The following NUDCD1 variants were observed in gnomAD, a reference collection of about 807,000 sequenced individuals.
NUDCD1 encodes the protein NudC domain containing 1, also known as nudC domain-containing protein 1.
Under a neutral mutation model 67.8 loss-of-function variants are expected in NUDCD1, and 60 were observed. That is an observed-to-expected ratio of 0.88 (90% confidence interval 0.72 to 1.10). The LOEUF is 1.10. NUDCD1 is among the 50% of genes least tolerant of loss of function. NUDCD1 has a pLI of 0.00. For synonymous variants in NUDCD1, 244 were observed against 230.8 expected (o/e 1.06, Z -0.52); for missense variants, 643 against 695.0 (o/e 0.93, Z 0.84).
chr8:109,314,371 C>A (rs906990755), intron 2 of NUDCD1, among the ~76,000 whole-genome samples: 1 of 151,978 alleles, frequency 6.6e-6, no homozygotes, highest in Non-Finnish European at 1.5e-5. Flanking sequence ...GACTTTTTGC[C>A]ATGTCATGTA....
At chr8:109,249,654 C>T (rs541700484) in intron 8 of NUDCD1, among the ~76,000 whole-genome samples, 2 of 152,168 alleles carry the variant, frequency 1.3e-5, no homozygotes, top group South Asian at 2.1e-4. Flanking sequence ...AATGGATCTG[C>T]CCCTGAAAAG....
At chr8:109,275,885 A>G (rs189686230) in intron 6 of NUDCD1, among the ~76,000 whole-genome samples, 1 of 152,236 alleles carries the variant, frequency 6.6e-6, no homozygotes, top group East Asian at 1.9e-4. Flanking sequence ...CAAAGAGTAA[A>G]AGGGCTGTAA....
intron 8 of NUDCD1, among the ~76,000 whole-genome samples, chr8:109,266,640 C>G (rs1053887666): frequency 6.6e-6 from 1 of 152,050 alleles, no homozygotes; most frequent in African/African-American, 2.4e-5. Flanking sequence ...AGCCACATTT[C>G]AATTGCTCAA....
In NUDCD1 at chr8:109,241,165, T is replaced by C. The variant is rs1156242329; in HGVS notation, c.*1844A>G. The C allele has an allele frequency of 6.6e-6, 1 of 152,126 alleles. No individual in the cohort carries two copies. The highest frequency in any genetic ancestry group is 1.5e-5 in the Non-Finnish European group (1 of 68,010). The allele number at this position is 152,126 out of a possible 1,614,324, so 9.4% of individuals were successfully genotyped here. The stretch of plus-strand genomic sequence containing the variant: ...ATTCATCTTTTAACGTAGGTCAACA[T>C]GCGACAATATTTAGGATTAATTATC... On this transcript the variant is annotated 3_prime_UTR_variant, in exon 10 of 10. Transcript: ENST00000239690.
intron 2 of NUDCD1, among the ~76,000 whole-genome samples, chr8:109,308,570 A>C (rs1815164399): frequency 3.3e-5 from 5 of 152,240 alleles, no homozygotes; most frequent in Admixed American, 3.3e-4. Context: ...AATAAAATGC[A>C]TAGACCATTA....
In NUDCD1 at chr8:109,242,877, T is replaced by C. The variant is rs1326592744; in HGVS notation, c.*132A>G. ...TAATCTCTTGAATATATTTCCAATG[T>C]TATTAAAAAATAAAAAATCATACAA... On this transcript the variant is annotated 3_prime_UTR_variant, in exon 10 of 10. Coordinates refer to ENST00000239690, the MANE Select transcript of NUDCD1 (RefSeq NM_032869.4). 1.9e-6 allele frequency: 1 copy of C among 533,014 alleles called. No homozygotes were observed. The highest frequency in any genetic ancestry group is 3.3e-6 in the Non-Finnish European group (1 of 307,028). The allele number at this position is 533,014 out of a possible 1,614,324, so 33.0% of individuals were successfully genotyped here.
At chr8:109,284,892 TG>T (rs981046106) in intron 5 of NUDCD1, among the ~76,000 whole-genome samples, 6 of 150,898 alleles carry the variant, frequency 4.0e-5, no homozygotes, top group Admixed American at 4.0e-4. Flanking sequence ...GGTTTTTTTT[TG>T]AAAGGATAAA....
chr8:109,298,658 G>T (rs1353990209), intron 2 of NUDCD1: 1 of 151,974 alleles, frequency 6.6e-6, no homozygotes. Context: ...TATAACCCAG[G>T]GCTAATATGT....
At chr8:109,302,754 T>G (rs1188626477) in intron 2 of NUDCD1, among the ~76,000 whole-genome samples, 1 of 152,118 alleles carries the variant, frequency 6.6e-6, no homozygotes, top group Non-Finnish European at 1.5e-5. Context: ...CCCAGCCCAG[T>G]CCATGGCCCG....
At chr8:109,266,759 G>C (rs1402570960) in intron 8 of NUDCD1, among the ~76,000 whole-genome samples, 1 of 151,982 alleles carries the variant, frequency 6.6e-6, no homozygotes, top group Non-Finnish European at 1.5e-5. Context: ...ACACTTCAGT[G>C]ACCAATTTAA....
intron 5 of NUDCD1, among the ~76,000 whole-genome samples, chr8:109,281,654 A>C (rs1168924515): frequency 6.6e-6 from 1 of 152,174 alleles, no homozygotes; most frequent in East Asian, 1.9e-4. Flanking sequence ...TTTTAGTATA[A>C]ATTAAAGGCC....
intron 9 of NUDCD1, 87 bp downstream of exon 9, chr8:109,245,235 T>C (rs1813464867): frequency 7.5e-7 from 1 of 1,336,808 alleles, no homozygotes; most frequent in South Asian, 1.4e-5. Context: ...ACAGCTCAAA[T>C]TAAAAAGAAA....
intron 5 of NUDCD1, 131 bp from the exon 6 acceptor site, chr8:109,281,303 T>C: frequency 3.5e-6 from 2 of 566,378 alleles, no homozygotes; most frequent in Non-Finnish European, 6.2e-6. Context: ...TAAACAAACA[T>C]GCACAGATCT....
rs927159779 is a variant in NUDCD1 at position 109,243,422 on chromosome 8, T to A, written c.1460-121A>T. 9.6e-6 allele frequency: 7 copies of A among 732,782 alleles called. No homozygotes were observed. The African/African-American group carries it at 1.1e-4, about 11-fold the overall frequency. 45.4% of individuals were successfully genotyped at this position (732,782 alleles called of 1,614,324 possible). A position where few individuals can be genotyped will look rare whatever the true frequency, so the allele number is the denominator to read the frequency against. The stretch of plus-strand genomic sequence containing the variant: ...CAAATTAAAATGCCCAAGTAAAATA[T>A]ATACCATAAGGTATATAATTCTGAA... On this transcript the variant is annotated intron_variant, in intron 9 of 9. Transcript: ENST00000239690.
intron 8 of NUDCD1, among the ~76,000 whole-genome samples, chr8:109,262,216 C>T (rs768350944): frequency 7.9e-5 from 12 of 152,254 alleles, no homozygotes; most frequent in Non-Finnish European, 1.8e-4. Flanking sequence ...GAGATACTGA[C>T]TGCTCTTTAC....
In NUDCD1 at chr8:109,296,640, C is replaced by A; in HGVS notation, c.274-71G>T. The A allele has an allele frequency of 3.8e-6, 4 of 1,041,534 alleles. No individual in the cohort carries two copies. The South Asian group carries it at 5.0e-5, about 13-fold the overall frequency. 64.5% of individuals were successfully genotyped at this position (1,041,534 alleles called of 1,614,324 possible). On this transcript the variant is annotated intron_variant, in intron 2 of 9. Coordinates refer to ENST00000239690, the MANE Select transcript of NUDCD1 (RefSeq NM_032869.4). ...TCCACACACACAAAATAAATATCTG[C>A]GGTGTGGTGGTTTCTCTCCTTTTTA...
intron 5 of NUDCD1, among the ~76,000 whole-genome samples, chr8:109,284,678 T>C (rs953633707): frequency 4.6e-5 from 7 of 151,786 alleles, no homozygotes; most frequent in Non-Finnish European, 8.8e-5. Context: ...GCAAAAGCAG[T>C]GTTAAGAGGA....
At chr8:109,286,525 T>C (rs938221183) in intron 5 of NUDCD1, among the ~76,000 whole-genome samples, 1 of 151,874 alleles carries the variant, frequency 6.6e-6, no homozygotes, top group African/African-American at 2.4e-5. Context: ...AAACAAGCAA[T>C]AGGGAAAGGA....
Position 109,327,449 on chromosome 8 carries a change from A to G in NUDCD1, c.119-4986T>C, listed in dbSNP as rs1219687499. On this transcript the variant is annotated intron_variant, in intron 1 of 9. Coordinates refer to ENST00000239690, the MANE Select transcript of NUDCD1 (RefSeq NM_032869.4). Reference sequence around the variant, plus strand: ...TTTCTTCCCTCTGCTCTGAAGAAAGAAAAAGGCCAGAGTGACCACAAAGAT... The same window carrying G: ...TTTCTTCCCTCTGCTCTGAAGAAAGGAAAAGGCCAGAGTGACCACAAAGAT... 3.3e-5 allele frequency among the ~76,000 whole-genome samples: 5 copies of G among 152,314 alleles called. 1 individual carries two copies. The South Asian group carries it at 1.0e-3, about 32-fold the overall frequency.
Sources: gnomAD v4.1 joint callset for allele counts (sites outside exome capture counted in the v4.1 genomes callset) on GRCh38, gnomAD v4.1.1 for gene constraint, MANE v1.5 for transcripts, NCBI Gene and HGNC (gene_info 2026-07-23, HGNC 2026-07-21) for gene names.